Variants in PCSK5 observed in about 807,000 individuals in gnomAD.
PCSK5 encodes the protein prohormone convertase 5.
Under a neutral mutation model 233.2 loss-of-function variants are expected in PCSK5, and 129 were observed. The ratio of observed to expected loss-of-function variants is 0.55; its 90% confidence interval spans 0.48 to 0.64. The LOEUF is 0.64. PCSK5 is among the 30% of genes least tolerant of loss of function. The pLI is 0.00. For synonymous variants in PCSK5, 825 were observed against 879.2 expected (o/e 0.94, Z 1.09); for missense variants, 2,076 against 2,430.1 (o/e 0.85, Z 3.06).
chr9:76,310,734 A>C lies in PCSK5; in HGVS notation c.3767A>C (p.Glu1256Ala). The stretch of plus-strand genomic sequence containing the variant: ...CCTTCCGTAAGGAGTGGGAGCTGCG[A>C]GAACTGTACGGAGGCCTGTGCCATC... ...TWPSVRSGSCENCTEACAICS... is the reference protein window; with the variant it reads ...TWPSVRSGSCANCTEACAICS... The change falls in exon 30 of 38, where the codon GAG becomes GCG. Residue 1256 changes from glutamate (E) to alanine (A), a missense_variant. By Grantham distance (107) the Glu-to-Ala change is moderately radical. Transcript: ENST00000674117. 1 of 1,612,440 alleles carries C rather than the reference A, an allele frequency of 6.2e-7. No homozygotes were observed. The highest frequency in any genetic ancestry group is 2.2e-5 in the East Asian group (1 of 44,836).
At chr9:75,893,928 G>A (rs1403251932) in intron 1 of PCSK5, among the ~76,000 whole-genome samples, 2 of 152,168 alleles carry the variant, frequency 1.3e-5, no homozygotes, top group African/African-American at 4.8e-5. Context: ...GAGTTCACAC[G>A]TGCAATATCA....
intron 10 of PCSK5, among the ~76,000 whole-genome samples, chr9:76,146,928 A>G (rs1382260560): frequency 6.6e-6 from 1 of 152,202 alleles, no homozygotes; most frequent in Non-Finnish European, 1.5e-5. Flanking sequence ...CTACTGTGTA[A>G]TAAAATACAT....
chr9:76,110,903 G>A (rs1832185214), intron 9 of PCSK5, among the ~76,000 whole-genome samples: 3 of 152,186 alleles, frequency 2.0e-5, no homozygotes, highest in African/African-American at 4.8e-5. Context: ...GAGGTCAGGA[G>A]TTTGAGACCA....
chr9:76,216,949 G>A (rs1317501222), intron 20 of PCSK5, among the ~76,000 whole-genome samples: 1 of 151,902 alleles, frequency 6.6e-6, no homozygotes, highest in Non-Finnish European at 1.5e-5. Flanking sequence ...CAAGCAATTC[G>A]ACTGCCTCAG....
At chr9:76,287,032 C>A in intron 24 of PCSK5, 2 of 170,924 alleles carry the variant, frequency 1.2e-5, no homozygotes, top group South Asian at 2.8e-4. Context: ...TAAGATCTGT[C>A]TCAGTAATGG....
At chr9:76,104,889 G>C (rs1831914828) in intron 8 of PCSK5, among the ~76,000 whole-genome samples, 1 of 152,200 alleles carries the variant, frequency 6.6e-6, no homozygotes. Flanking sequence ...AACAACAGCA[G>C]ATCTGGACAC....
chr9:76,182,801 C>G (rs1823930681), intron 16 of PCSK5, among the ~76,000 whole-genome samples: 1 of 152,104 alleles, frequency 6.6e-6, no homozygotes, highest in South Asian at 2.1e-4. Context: ...ACTGAAATTT[C>G]ATGTTTTTGC....
chr9:75,952,022 A>C (rs1445606038), intron 2 of PCSK5, among the ~76,000 whole-genome samples: 1 of 152,190 alleles, frequency 6.6e-6, no homozygotes, highest in Non-Finnish European at 1.5e-5. Flanking sequence ...TAAAGTGAAC[A>C]TCACTATACT....
At chr9:75,919,966 G>A (rs968304160) in intron 1 of PCSK5, among the ~76,000 whole-genome samples, 5 of 152,108 alleles carry the variant, frequency 3.3e-5, no homozygotes, top group Non-Finnish European at 7.4e-5. Flanking sequence ...TCATGAGTTC[G>A]AGACCAACCT....
chr9:76,200,767 G>C (rs552389503), intron 20 of PCSK5, among the ~76,000 whole-genome samples: 11 of 152,326 alleles, frequency 7.2e-5, no homozygotes, highest in Non-Finnish European at 1.5e-4. Flanking sequence ...CCCAGGCAGG[G>C]GATGAGCAGG....
chr9:76,257,354 T>C (rs1460973997), intron 24 of PCSK5, among the ~76,000 whole-genome samples: 1 of 152,172 alleles, frequency 6.6e-6, no homozygotes, highest in African/African-American at 2.4e-5. Flanking sequence ...AGAGATGCTG[T>C]GTGTGGATAA....
intron 1 of PCSK5, among the ~76,000 whole-genome samples, chr9:75,912,506 G>C (rs904279296): frequency 6.6e-6 from 1 of 152,116 alleles, no homozygotes; most frequent in Non-Finnish European, 1.5e-5. Flanking sequence ...CTGAGATGGG[G>C]CTGGAGATTC....
Position 75,890,902 on chromosome 9 carries a change from C to T in PCSK5, c.-280C>T. 3 of 352,132 alleles carry T rather than the reference C, an allele frequency of 8.5e-6. No individual in the cohort carries two copies. The highest frequency in any genetic ancestry group is 1.0e-5 in the Non-Finnish European group (2 of 196,246). 21.8% of individuals were successfully genotyped at this position (352,132 alleles called of 1,614,324 possible). ...GCGGAGGACGCCCGCCCCACTCAGC[C>T]TCCTCCTGCGTCCGAGCCGGGGAGC... is the stretch of plus-strand genomic sequence containing the variant. On this transcript the variant is annotated 5_prime_UTR_variant, in exon 1 of 38. Coordinates refer to ENST00000674117, the MANE Select transcript of PCSK5 (RefSeq NM_001372043.1).
At chr9:75,912,553 A>G (rs993132168) in intron 1 of PCSK5, among the ~76,000 whole-genome samples, 1 of 152,184 alleles carries the variant, frequency 6.6e-6, no homozygotes, top group Non-Finnish European at 1.5e-5. Flanking sequence ...TACCGCTGCT[A>G]CTGCTGCTTG....
chr9:75,994,431 T>C (rs1826920572), intron 3 of PCSK5, among the ~76,000 whole-genome samples: 1 of 51,786 alleles, frequency 1.9e-5, no homozygotes, highest in Non-Finnish European at 4.0e-5. Context: ...TTTTTTTTTT[T>C]TTTTTTTTTT....
intron 6 of PCSK5, among the ~76,000 whole-genome samples, 180 bp downstream of exon 6, chr9:76,068,223 A>G (rs981494669): frequency 1.3e-5 from 2 of 152,188 alleles, no homozygotes; most frequent in African/African-American, 2.4e-5. Context: ...ACATTTAGTT[A>G]AAGACTTCTG....
intron 20 of PCSK5, chr9:76,205,281 G>A (rs1432965578): frequency 1.2e-5 from 6 of 516,784 alleles, no homozygotes; most frequent in Non-Finnish European, 1.9e-5. Context: ...TCCAGAGCTG[G>A]AGAATGAAGA....
intron 27 of PCSK5, among the ~76,000 whole-genome samples, chr9:76,299,552 A>T (rs141354548): frequency 0.02 from 3,076 of 152,162 alleles, 109 homozygotes; most frequent in African/African-American, 0.068. Flanking sequence ...AGTACCTGTA[A>T]TCCCAGCTAC....
chr9:75,927,170 G>A lies in PCSK5; in HGVS notation c.193-5209G>A, dbSNP rs988101656. Among the ~76,000 whole-genome samples the A allele has an allele frequency of 2.0e-5, 3 of 152,262 alleles. No individual in the cohort carries two copies. The South Asian group carries it at 6.2e-4, about 32-fold the overall frequency. On this transcript the variant is annotated intron_variant, in intron 1 of 37. Coordinates refer to ENST00000674117, the MANE Select transcript of PCSK5 (RefSeq NM_001372043.1). ...TTAGCCATTCTAGTGTGTGTGCAGT[G>A]CTATTATGATTTTAATTTTCATTCA...
Sources: allele counts gnomAD v4.1 joint callset (sites outside exome capture counted in the v4.1 genomes callset), GRCh38; gene constraint gnomAD v4.1.1; transcripts MANE v1.5; gene names NCBI Gene and HGNC (gene_info 2026-07-23, HGNC 2026-07-21).